The following ROBO2 variants were observed in gnomAD, a reference collection of about 807,000 sequenced individuals.
ROBO2 encodes roundabout homolog 2.
In ROBO2, 53 loss-of-function variants were observed where a neutral mutation model predicts 160.8. That is an observed-to-expected ratio of 0.33 (90% CI 0.26 to 0.41). The LOEUF is 0.41. ROBO2 is among the 10% of genes least tolerant of loss of function. The probability of loss-of-function intolerance (pLI) is 1.00; values close to 1 mark genes in which losing one functional copy is unlikely to be tolerated. For missense variants in ROBO2, 1,577 were observed against 1,722.4 expected (o/e 0.92, Z 1.49); for synonymous variants, 664 against 611.7 (o/e 1.09, Z -1.26).
chr3:77,091,503 A>G (rs1446792684), intron 1 of ROBO2, among the ~76,000 whole-genome samples: 1 of 152,188 alleles, frequency 6.6e-6, no homozygotes, highest in Non-Finnish European at 1.5e-5. Context: ...CATTATGCAA[A>G]TTAAGGTGCT....
chr3:77,235,445 C>T (rs758204248), intron 2 of ROBO2, among the ~76,000 whole-genome samples: 6 of 151,772 alleles, frequency 4.0e-5, no homozygotes, highest in Admixed American at 2.6e-4. Context: ...CTCTGCCTCC[C>T]GGGTTCACGC....
chr3:76,951,555 GAA>G (rs773642350), intron 2 of ROBO2, among the ~76,000 whole-genome samples: 38 of 152,194 alleles, frequency 2.5e-4, no homozygotes, highest in Non-Finnish European at 4.4e-4. Context: ...AGTTGAAAGA[GAA>G]AAAAGAAATA....
chr3:77,235,811 A>G (rs1056758246), intron 2 of ROBO2, among the ~76,000 whole-genome samples: 1 of 152,188 alleles, frequency 6.6e-6, no homozygotes, highest in East Asian at 1.9e-4. Context: ...TGAAATTGAG[A>G]AGGTATAGAG....
intron 2 of ROBO2, among the ~76,000 whole-genome samples, chr3:76,043,218 C>T (rs967384275): frequency 9.9e-5 from 15 of 150,818 alleles, no homozygotes; most frequent in Non-Finnish European, 2.2e-4. Context: ...ACGAACATCC[C>T]TTACGTGTAA....
At chr3:77,065,269 ACAGAGT>A (rs1365487628) in intron 1 of ROBO2, among the ~76,000 whole-genome samples, 1 of 152,202 alleles carries the variant, frequency 6.6e-6, no homozygotes, top group African/African-American at 2.4e-5. Flanking sequence ...GTTTTAAATA[ACAGAGT>A]CAGTCAGATT....
intron 1 of ROBO2, 144 bp from the exon 2 acceptor site, chr3:77,097,870 T>G (rs2071309041): frequency 2.8e-5 from 19 of 682,724 alleles, no homozygotes; most frequent in Non-Finnish European, 4.1e-5. Flanking sequence ...AGATGACTTA[T>G]GAGATGCATA....
intron 2 of ROBO2, among the ~76,000 whole-genome samples, chr3:76,223,062 C>T (rs1000543525): frequency 2.0e-5 from 3 of 151,606 alleles, no homozygotes; most frequent in Non-Finnish European, 4.4e-5. Context: ...GCCCTTATCC[C>T]ACAGTCTTAA....
chr3:77,172,537 G>C (rs1016647585), intron 2 of ROBO2, among the ~76,000 whole-genome samples: 2 of 151,800 alleles, frequency 1.3e-5, no homozygotes, highest in African/African-American at 2.4e-5. Flanking sequence ...TTTCCATTTG[G>C]CTTTTGTTTG....
chr3:76,744,588 C>T (rs2093854636), intron 2 of ROBO2, among the ~76,000 whole-genome samples: 1 of 151,962 alleles, frequency 6.6e-6, no homozygotes, highest in South Asian at 2.1e-4. Context: ...TCTCAAATTT[C>T]TGTCTTCAAG....
intron 2 of ROBO2, among the ~76,000 whole-genome samples, chr3:76,596,914 C>A (rs1204063460): frequency 6.6e-6 from 1 of 152,022 alleles, no homozygotes; most frequent in Non-Finnish European, 1.5e-5. Flanking sequence ...AAAAATATAA[C>A]AAAAGTGTTT....
At chr3:76,999,248 T>G (rs2061204844) in intron 2 of ROBO2, among the ~76,000 whole-genome samples, 2 of 152,036 alleles carry the variant, frequency 1.3e-5, no homozygotes, top group South Asian at 4.2e-4. Context: ...TTACTCAGAC[T>G]CAGGATTAGT....
exon 21 of ROBO2, chr3:77,607,814 AAAG>A (rs767512150): frequency 4.3e-6 from 7 of 1,613,952 alleles, no homozygotes; most frequent in South Asian, 1.1e-5. Context: ...AAGGTGGAAA[AAAG>A]AAGAAAAATA....
At chr3:77,291,884 G>T (rs1165092531) in intron 2 of ROBO2, among the ~76,000 whole-genome samples, 1 of 151,916 alleles carries the variant, frequency 6.6e-6, no homozygotes, top group Non-Finnish European at 1.5e-5. Flanking sequence ...AAAATTGATG[G>T]ATAAACGGGT....
intron 1 of ROBO2, among the ~76,000 whole-genome samples, chr3:77,048,665 C>T (rs755484826): frequency 5.9e-5 from 9 of 152,196 alleles, no homozygotes; most frequent in East Asian, 1.9e-4. Context: ...CTCACTAATT[C>T]GTTTTCTAGA....
At chr3:77,144,126 A>T (rs1192818846) in intron 2 of ROBO2, among the ~76,000 whole-genome samples, 1 of 152,116 alleles carries the variant, frequency 6.6e-6, no homozygotes, top group African/African-American at 2.4e-5. Flanking sequence ...CAGCCACTTA[A>T]TGTCTCACTT....
At chr3:76,724,507 T>G (rs1415551776) in intron 2 of ROBO2, among the ~76,000 whole-genome samples, 2 of 152,188 alleles carry the variant, frequency 1.3e-5, no homozygotes, top group Non-Finnish European at 2.9e-5. Flanking sequence ...AGCTCTCTGC[T>G]CTATTCTCCC....
At chr3:77,191,307 A>T (rs1323828435) in intron 2 of ROBO2, among the ~76,000 whole-genome samples, 3 of 151,984 alleles carry the variant, frequency 2.0e-5, no homozygotes, top group South Asian at 4.1e-4. Context: ...TAATTTTTTG[A>T]CCTGTTGTGC....
intron 2 of ROBO2, among the ~76,000 whole-genome samples, chr3:77,367,758 C>G (rs1486723869): frequency 6.6e-6 from 1 of 152,108 alleles, no homozygotes; most frequent in Non-Finnish European, 1.5e-5. Context: ...TGTTTATCCT[C>G]TCCATGGGAT....
At chr3:77,478,339 A>T (rs2084289474) in intron 3 of ROBO2, among the ~76,000 whole-genome samples, 1 of 152,224 alleles carries the variant, frequency 6.6e-6, no homozygotes. Flanking sequence ...GTAAAATTTT[A>T]TACATGAATT....
Sources: allele counts gnomAD v4.1 joint callset (sites outside exome capture counted in the v4.1 genomes callset), GRCh38; gene constraint gnomAD v4.1.1; transcripts MANE v1.5; gene names NCBI Gene and HGNC (gene_info 2026-07-23, HGNC 2026-07-21).